GALNT2: variants seen among roughly 807,000 people sequenced by gnomAD.
GALNT2 encodes UDP-GalNAc:polypeptide N-acetylgalactosaminyltransferase 2.
A neutral mutation model predicts 81.4 loss-of-function variants in GALNT2; 31 were observed. The observed-to-expected ratio is 0.38, with a 90% CI of 0.29 to 0.51. GALNT2 has a LOEUF of 0.51. GALNT2 is among the 20% of genes least tolerant of loss of function. The pLI is 0.87. For missense variants in GALNT2, 629 were observed against 765.7 expected (o/e 0.82, Z 2.11); for synonymous variants, 303 against 287.4 (o/e 1.05, Z -0.55).
chr1:230,104,534 G>C (rs1396947286), intron 1 of GALNT2, among the ~76,000 whole-genome samples: 1 of 152,182 alleles, frequency 6.6e-6, no homozygotes, highest in Non-Finnish European at 1.5e-5. Flanking sequence ...GTGCTGGGTG[G>C]GGGAAATGCG....
At chr1:230,131,476 A>G (rs7544981) in intron 1 of GALNT2, among the ~76,000 whole-genome samples, 1 of 152,232 alleles carries the variant, frequency 6.6e-6, no homozygotes, top group African/African-American at 2.4e-5. Context: ...GCTTTCATGT[A>G]TTGATTTATG....
intron 3 of GALNT2, among the ~76,000 whole-genome samples, chr1:230,217,256 T>C (rs1340893079): frequency 6.6e-6 from 1 of 152,022 alleles, no homozygotes; most frequent in African/African-American, 2.4e-5. Flanking sequence ...ACTAAACAGG[T>C]GATCAGGGAA....
chr1:230,132,908 T>C (rs1393941516), intron 1 of GALNT2, among the ~76,000 whole-genome samples: 1 of 152,168 alleles, frequency 6.6e-6, no homozygotes, highest in Non-Finnish European at 1.5e-5. Context: ...ATAGAACTGA[T>C]GCATATTAAT....
At chr1:230,130,022 C>T (rs371972332) in intron 1 of GALNT2, among the ~76,000 whole-genome samples, 94 of 152,260 alleles carry the variant, frequency 6.2e-4, no homozygotes, top group African/African-American at 2.2e-3. Flanking sequence ...GCATGACCTC[C>T]ATGTTCTTAC....
chr1:230,237,483 T>C (rs16851183), intron 6 of GALNT2, among the ~76,000 whole-genome samples: 8,165 of 152,244 alleles, frequency 0.054, 249 homozygotes, highest in Non-Finnish European at 0.065. Flanking sequence ...CCAGGGGTGG[T>C]GATTGTATTC....
chr1:230,211,527 G>T (rs1260230660), intron 3 of GALNT2, among the ~76,000 whole-genome samples: 2 of 152,186 alleles, frequency 1.3e-5, no homozygotes, highest in African/African-American at 4.8e-5. Context: ...GGGCACAGTG[G>T]CTCACACCTG....
chr1:230,213,945 A>G (rs1199541781), intron 3 of GALNT2, among the ~76,000 whole-genome samples: 1 of 152,160 alleles, frequency 6.6e-6, no homozygotes, highest in African/African-American at 2.4e-5. Context: ...TGCAGTAAAT[A>G]TCCTTTTGAT....
chr1:230,197,579 C>T (rs1295171737), intron 2 of GALNT2, among the ~76,000 whole-genome samples: 4 of 152,106 alleles, frequency 2.6e-5, no homozygotes, highest in Admixed American at 6.5e-5. Flanking sequence ...GTCATTTCTG[C>T]CTGTAAATAT....
chr1:230,064,422 G>A (rs1422828616), upstream of GALNT2, among the ~76,000 whole-genome samples: 1 of 152,184 alleles, frequency 6.6e-6, no homozygotes, highest in Non-Finnish European at 1.5e-5. Flanking sequence ...CCTCATGAAA[G>A]GCCCATGTGA....
intron 3 of GALNT2, among the ~76,000 whole-genome samples, chr1:230,211,333 T>C (rs1257822126): frequency 1.3e-5 from 2 of 152,192 alleles, no homozygotes; most frequent in Non-Finnish European, 2.9e-5. Flanking sequence ...GGCGCTTCTC[T>C]AGGCTTAGCT....
intron 1 of GALNT2, among the ~76,000 whole-genome samples, chr1:230,136,633 G>A (rs6659658): frequency 0.26 from 39,924 of 151,978 alleles, 5,331 homozygotes; most frequent in East Asian, 0.32. Flanking sequence ...GCTCTGCCGC[G>A]CCCCTTCAGG....
intron 3 of GALNT2, among the ~76,000 whole-genome samples, chr1:230,230,732 G>C (rs1664842360): frequency 6.6e-6 from 1 of 152,194 alleles, no homozygotes; most frequent in Admixed American, 6.5e-5. Flanking sequence ...TCCTGTCTTT[G>C]TGTAGGCATA....
At chr1:230,072,198 C>T (rs1404016046) in intron 1 of GALNT2, among the ~76,000 whole-genome samples, 1 of 152,044 alleles carries the variant, frequency 6.6e-6, no homozygotes, top group Admixed American at 6.5e-5. Flanking sequence ...TTGGGGAAGA[C>T]ATAATTTCTT....
At chr1:230,075,120 G>GAT (rs1659496112) in intron 1 of GALNT2, among the ~76,000 whole-genome samples, 6 of 52,050 alleles carry the variant, frequency 1.2e-4, no homozygotes, top group Non-Finnish European at 1.9e-4. Context: ...GGTCTGTTTT[G>GAT]CTTTTTTTTT....
At position 230,178,324 on chromosome 1, in the gene GALNT2, G is replaced by A; in HGVS notation, c.220+13G>A. The A allele has an allele frequency of 6.2e-7, 1 of 1,601,006 alleles. No homozygotes were observed. Among genetic ancestry groups the A allele is most frequent in the South Asian group, 1.1e-5 (1 of 90,646 alleles). On this transcript the variant is annotated intron_variant, in intron 2 of 15. Coordinates refer to ENST00000366672, the MANE Select transcript of GALNT2 (RefSeq NM_004481.5). ...ACCCTCCCTCCAGGTACTGCCAGGG[G>A]CCAGGAAGCCATCTTGCTTTGAGCA...
intron 10 of GALNT2, among the ~76,000 whole-genome samples, chr1:230,251,187 G>A (rs759070243): frequency 2.0e-5 from 3 of 152,104 alleles, no homozygotes; most frequent in Admixed American, 6.6e-5. Flanking sequence ...TTTGTTTAGG[G>A]TTTGGAGTGG....
At chr1:230,081,781 G>A (rs892331103) in intron 1 of GALNT2, among the ~76,000 whole-genome samples, 3 of 152,176 alleles carry the variant, frequency 2.0e-5, no homozygotes, top group African/African-American at 4.8e-5. Flanking sequence ...GAAAACCCAC[G>A]TTTGGTCATG....
At chr1:230,263,855 C>T (rs1164699011) in intron 13 of GALNT2, 2 of 152,400 alleles carry the variant, frequency 1.3e-5, no homozygotes, top group South Asian at 4.1e-4. Context: ...CCGCTAACAG[C>T]TCCTTCAGAG....
Position 230,274,141 on chromosome 1 carries a change from G to A in GALNT2, c.1441-304G>A, listed in dbSNP as rs565908066. Among the ~76,000 whole-genome samples the A allele has an allele frequency of 2.6e-5, 4 of 152,258 alleles. No homozygotes were observed. The South Asian group carries it at 8.3e-4, about 32-fold the overall frequency. On this transcript the variant is annotated intron_variant, in intron 14 of 15. Coordinates refer to ENST00000366672, the MANE Select transcript of GALNT2 (RefSeq NM_004481.5). ...ATTGAATTATAGAAAAATGAACAAG[G>A]CAGTCTAACTTGTATTTGGGGCTAA...
Sources: allele counts gnomAD v4.1 joint callset (sites outside exome capture counted in the v4.1 genomes callset), GRCh38; gene constraint gnomAD v4.1.1; transcripts MANE v1.5; gene names NCBI Gene and HGNC (gene_info 2026-07-23, HGNC 2026-07-21).